PPY: variants seen among roughly 807,000 people sequenced by gnomAD.
PPY encodes pancreatic polypeptide prohormone.
PPY carries 6 observed loss-of-function variants against 9.3 expected under a neutral mutation model. That is an observed-to-expected ratio of 0.64 (90% CI 0.35 to 1.27). PPY has a LOEUF of 1.27. Among genes scored for constraint, PPY ranks in the 50% most tolerant of loss-of-function variants. The pLI, the probability that PPY is intolerant of heterozygous loss-of-function variation, is 0.03. For missense variants in PPY, 109 were observed against 119.1 expected (o/e 0.91, Z 0.40); for synonymous variants, 58 against 54.6 (o/e 1.06, Z -0.27).
intron 2 of PPY, 25 bp downstream of exon 2, chr17:43,941,439 C>T (rs1257677297): frequency 6.2e-7 from 1 of 1,613,390 alleles, no homozygotes; most frequent in Non-Finnish European, 8.5e-7. Flanking sequence ...GGGCTGGGAT[C>T]TCTCTCCCCA....
chr17:43,941,550 C>A lies in PPY; in HGVS notation c.105G>T (p.Val35=). The change falls in exon 2 of 4, where the codon GTG becomes GTT. Residue 35 remains valine, a synonymous_variant. Transcript: ENST00000225992. ...CTGGTGTGGCATTGTCCCCTGGGTACACTGGCTCCAGTGGGGCTCCCTGGG... is the reference window on the plus strand; with the variant it reads ...CTGGTGTGGCATTGTCCCCTGGGTAAACTGGCTCCAGTGGGGCTCCCTGGG... The part of the protein sequence containing the change: ...LGAQGAPLEP[V]YPGDNATPEQ... The A allele has an allele frequency of 6.2e-7, 1 of 1,614,028 alleles. No homozygotes were observed. The highest frequency in any genetic ancestry group is 8.5e-7 in the Non-Finnish European group (1 of 1,180,010).
At position 43,941,037 on chromosome 17, in the gene PPY, C is replaced by G. The variant is rs530409680; in HGVS notation, c.264-85G>C. On this transcript the variant is annotated intron_variant, in intron 3 of 3. Transcript: ENST00000225992. ...CTCAGGCTGGCCCTGGGCTCCTGTT[C>G]TCCCTCTTCCACCCCCCACTACACC... 22 of 1,549,678 alleles carry G rather than the reference C, an allele frequency of 1.4e-5. No individual in the cohort carries two copies. In the Middle Eastern group the frequency reaches 5.0e-4, roughly 35 times the overall value.
At position 43,941,159 on chromosome 17, in the gene PPY, G is replaced by T. The variant is rs1428276155; in HGVS notation, c.247C>A (p.His83Asn). The change falls in exon 3 of 4, where the codon CAT becomes AAT. Residue 83 changes from histidine (H) to asparagine (N), a missense_variant. By Grantham distance (68) the His-to-Asn change is moderately conservative (BLOSUM62 1). Transcript: ENST00000225992. The stretch of plus-strand genomic sequence containing the variant: ...CAAACTCACCTGGGGACAGCAGCAT[G>T]CGGGGACCCCCACTCCGAGAAGGCC... ...TLAFSEWGSPHAAVPRELSPL... is the reference protein window; with the variant it reads ...TLAFSEWGSPNAAVPRELSPL... 2 of 1,551,550 alleles carry T rather than the reference G, an allele frequency of 1.3e-6. No individual in the cohort carries two copies. The highest frequency in any genetic ancestry group is 3.9e-5 in the Admixed American group (2 of 50,982).
upstream of PPY, among the ~76,000 whole-genome samples, chr17:43,942,841 C>T (rs1309404472): frequency 1.3e-5 from 2 of 152,320 alleles, no homozygotes; most frequent in East Asian, 1.9e-4. This position sits in a 1 kb window ranked among gnomAD's most constrained non-coding sequence, Gnocchi z 5.3. Context: ...CAAAGATCAA[C>T]CCAAATCATC....
Position 43,941,541 on chromosome 17 carries a change from C to T in PPY, c.114G>A (p.Gly38=). 2.5e-6 allele frequency: 4 copies of T among 1,614,060 alleles called. No individual in the cohort carries two copies. In the South Asian group the frequency reaches 3.3e-5, roughly 13 times the overall value. ...QGAPLEPVYP[G]DNATPEQMAQ... ...CCATCTGCTCTGGTGTGGCATTGTC[C>T]CCTGGGTACACTGGCTCCAGTGGGG... The change falls in exon 2 of 4, where the codon GGG becomes GGA. Residue 38 remains glycine (G), a synonymous_variant. Transcript: ENST00000225992.
chr17:43,940,859 G>A lies in PPY; in HGVS notation c.*69C>T, dbSNP rs375616115. 116 of 1,558,496 alleles carry A rather than the reference G, an allele frequency of 7.4e-5. No homozygotes were observed. The African/African-American group carries it at 1.1e-3, about 15-fold the overall frequency. ...GGGAGCAGGGAGCAAGCTTTGGCCA[G>A]AGCCAAGGGTGCAGAGGGGAGAGCT... On this transcript the variant is annotated 3_prime_UTR_variant, in exon 4 of 4. Transcript: ENST00000225992.
rs1444304890 is a variant in PPY, at chr17:43,941,586, TG to T, written c.68del (p.Pro23HisfsTer38). On this transcript the variant is annotated frameshift_variant, in exon 2 of 4. Transcript: ENST00000225992. LOFTEE classifies it high-confidence loss of function. ...GTGGGGCTCCCTGGGCACCCAGCAGTGGCTGTAGTAACAGAGCCACGCAGGT... is the reference window on the plus strand; with the variant it reads ...GTGGGGCTCCCTGGGCACCCAGCAGTGCTGTAGTAACAGAGCCACGCAGGT... ...LSTCVALLLQ[P>X]LLGAQGAPLE... 1.2e-6 allele frequency: 2 copies of T among 1,613,746 alleles called. No homozygotes were observed. Among genetic ancestry groups the T allele is most frequent in the Non-Finnish European group, 1.7e-6 (2 of 1,179,980 alleles).
chr17:43,940,940 C>T lies in PPY; in HGVS notation c.276G>A (p.Pro92=), dbSNP rs367996609. 60 of 1,607,744 alleles carry T rather than the reference C, an allele frequency of 3.7e-5. 1 individual carries two copies. The highest frequency in any genetic ancestry group is 4.5e-5 in the Non-Finnish European group (53 of 1,177,364). The change falls in exon 4 of 4, where the codon CCG becomes CCA. Residue 92 remains proline, a synonymous_variant. Transcript: ENST00000225992. ...PHAAVPRELS[P]LDL is the part of the protein sequence containing the mutation. ...ACAGAAGGTGGCATTATAAGTCCAG[C>T]GGGCTGAGCTCCCTGTGAGGACAGG...
intron 1 of PPY, 100 bp from the exon 2 acceptor site, chr17:43,941,754 T>C: frequency 2.3e-6 from 3 of 1,281,192 alleles, no homozygotes; most frequent in Non-Finnish European, 2.1e-6. Flanking sequence ...CCATCATCCA[T>C]TTCTCCAAGC....
rs1419663495 is a variant in PPY at position 43,941,205 on chromosome 17, T to C, written c.201A>G (p.Lys67=). Residue 67 remains lysine, a synonymous_variant, in exon 3 of 4, where the codon AAA becomes AAG. Coordinates refer to ENST00000225992, the MANE Select transcript of PPY (RefSeq NM_002722.5). The part of the protein sequence containing the change: ...INMLTRPRYG[K]RHKEDTLAFS... The stretch of plus-strand genomic sequence containing the variant: ...AGGCCAGCGTGTCCTCTTTGTGTCT[T>C]TTCCCATACCTGGGAGGGAAGAGGC... 1.3e-6 allele frequency: 2 copies of C among 1,551,582 alleles called. No individual in the cohort carries two copies. Among genetic ancestry groups the C allele is most frequent in the Admixed American group, 3.9e-5 (2 of 50,996 alleles).
rs1234819722 is a variant in PPY at position 43,941,148 on chromosome 17, G to T, written c.258C>A (p.Val86=). 6.4e-7 allele frequency: 1 copy of T among 1,551,654 alleles called. No individual in the cohort carries two copies. Among genetic ancestry groups the T allele is most frequent in the East Asian group, 2.4e-5 (1 of 40,916 alleles). The part of the protein sequence containing the change: ...FSEWGSPHAA[V]PRELSPLDL ...GGGCAGGGAGTCAAACTCACCTGGG[G>T]ACAGCAGCATGCGGGGACCCCCACT... The change falls in exon 3 of 4, where the codon GTC becomes GTA. Residue 86 remains valine, a synonymous_variant. Coordinates refer to ENST00000225992, the MANE Select transcript of PPY (RefSeq NM_002722.5).
upstream of PPY, among the ~76,000 whole-genome samples, chr17:43,943,711 G>T (rs138938444): frequency 3.9e-5 from 6 of 152,312 alleles, no homozygotes; most frequent in East Asian, 7.7e-4. Flanking sequence ...AGATGGGGGG[G>T]ACTGTTGGGG....
At chr17:43,943,438 G>A (rs1257463994), upstream of PPY, among the ~76,000 whole-genome samples, 1 of 152,150 alleles carries the variant, frequency 6.6e-6, no homozygotes, top group East Asian at 1.9e-4. Flanking sequence ...GCTCACAGAG[G>A]TAAAGACGCT....
Position 43,941,661 on chromosome 17 carries a change from A to G in PPY, c.1-7T>C. On this transcript the variant is annotated splice_polypyrimidine_tract_variant and splice_region_variant and intron_variant, in intron 1 of 3. Transcript: ENST00000225992. Reference sequence around the variant, plus strand: ...AGAGGCGTGCGGCAGCCATCTGAGGAGCAAGCAGAGGGGAGGTGGAGAGCC... The same window carrying G: ...AGAGGCGTGCGGCAGCCATCTGAGGGGCAAGCAGAGGGGAGGTGGAGAGCC... The G allele has an allele frequency of 6.3e-7, 1 of 1,592,526 alleles. No individual in the cohort carries two copies. The highest frequency in any genetic ancestry group is 8.5e-7 in the Non-Finnish European group (1 of 1,170,012).
At chr17:43,941,329 C>A in intron 2 of PPY, 115 bp from the exon 3 acceptor site, 1 of 1,506,346 alleles carries the variant, frequency 6.6e-7, no homozygotes, top group Non-Finnish European at 9.1e-7. Context: ...GCCTGTTGAG[C>A]ACAGATGCCC....
chr17:43,940,902 G>A lies in PPY; in HGVS notation c.*26C>T. On this transcript the variant is annotated 3_prime_UTR_variant, in exon 4 of 4. Transcript: ENST00000225992. ...GGAGAGCTGGGCTGGCGCTGCTCAT[G>A]GAGTCGTAGGAGACAGAAGGTGGCA... The A allele has an allele frequency of 6.2e-7, 1 of 1,600,660 alleles. No individual in the cohort carries two copies. Among genetic ancestry groups the A allele is most frequent in the Non-Finnish European group, 8.5e-7 (1 of 1,173,742 alleles).
rs1274688535 is a variant in PPY, at chr17:43,942,036, G to A, written c.1-382C>T. On this transcript the variant is annotated intron_variant, in intron 1 of 3. Coordinates refer to ENST00000225992, the MANE Select transcript of PPY (RefSeq NM_002722.5). This position sits in a 1 kb window ranked among gnomAD's most constrained non-coding sequence, Gnocchi z 5.3. The stretch of plus-strand genomic sequence containing the variant: ...AGGGTGGGGGACACAGAATGAACTC[G>A]GGAAGCCAAGGACAGAAATCCATGG... 3.3e-5 allele frequency among the ~76,000 whole-genome samples: 5 copies of A among 152,130 alleles called. No homozygotes were observed. The highest frequency in any genetic ancestry group is 2.0e-4 in the Admixed American group (3 of 15,288).
chr17:43,943,823 G>A (rs188925878), upstream of PPY, among the ~76,000 whole-genome samples: 36 of 152,198 alleles, frequency 2.4e-4, no homozygotes, highest in Admixed American at 1.0e-3. Flanking sequence ...GGCTCTGTGA[G>A]CCTGGGAAAG....
upstream of PPY, among the ~76,000 whole-genome samples, chr17:43,943,847 C>T (rs908821779): frequency 6.6e-6 from 1 of 152,180 alleles, no homozygotes; most frequent in Non-Finnish European, 1.5e-5. Flanking sequence ...TTTCTTTAGC[C>T]TCTCTGAGCT....
Sources: gnomAD v4.1 joint callset for allele counts (sites outside exome capture counted in the v4.1 genomes callset) on GRCh38, gnomAD v4.1.1 for gene constraint, Gnocchi (gnomAD v3.1) non-coding constraint, MANE v1.5 for transcripts, NCBI Gene and HGNC (gene_info 2026-07-23, HGNC 2026-07-21) for gene names.